AGBL1: variants seen among roughly 807,000 people sequenced by gnomAD.
AGBL1 encodes the protein cytosolic carboxypeptidase 4.
A neutral mutation model predicts 118.9 loss-of-function variants in AGBL1; 130 were observed. The observed-to-expected ratio is 1.09, with a 90% CI of 0.95 to 1.26. The LOEUF is 1.26. Ranked by LOEUF, AGBL1 falls within the 50% of genes most tolerant of loss-of-function variation. The pLI is 0.00. For missense variants in AGBL1, 1,584 were observed against 1,298.1 expected, an observed-to-expected ratio of 1.22 and a Z score of -3.38; for synonymous variants, 555 against 478.9, an observed-to-expected ratio of 1.16 and a Z score of -2.08.
chr15:86,762,622 C>A (rs1478398419), intron 22 of AGBL1, among the ~76,000 whole-genome samples: 1 of 152,022 alleles, frequency 6.6e-6, no homozygotes, highest in East Asian at 1.9e-4. Flanking sequence ...TACAAAGGAG[C>A]CAATCCATGG....
Position 86,748,510 on chromosome 15 carries a change from C to CTTTTTTTTTTTT in AGBL1, c.3158+74099_3158+74110dup. Among the ~76,000 whole-genome samples the CTTTTTTTTTTTT allele has an allele frequency of 3.8e-3, 37 of 9,776 alleles. 13 individuals carry two copies. Among genetic ancestry groups the CTTTTTTTTTTTT allele is most frequent in the Non-Finnish European group, 7.5e-3 (28 of 3,752 alleles). 6.4% of individuals were successfully genotyped at this position (9,776 alleles called of 152,430 possible). On this transcript the variant is annotated intron_variant, in intron 22 of 22. Transcript: ENST00000614907. ...ATTAGATCCCATTTGTCAATTTTGG[C>CTTTTTTTTTTTT]TTTTTTTTTTTTTTTTTTTTTTTTT...
chr15:86,806,324 C>T, intron 22 of AGBL1, among the ~76,000 whole-genome samples: 1 of 152,108 alleles, frequency 6.6e-6, no homozygotes, highest in East Asian at 1.9e-4. Flanking sequence ...GGGTGCAAAA[C>T]TCTGATTAAG....
intron 21 of AGBL1, among the ~76,000 whole-genome samples, chr15:86,639,975 G>C (rs567408109): frequency 3.3e-5 from 5 of 152,174 alleles, no homozygotes; most frequent in African/African-American, 1.2e-4. Context: ...CTGAATGGAT[G>C]GTGTGTGTAC....
chr15:86,775,118 A>T lies in AGBL1; in HGVS notation c.3158+100682A>T, dbSNP rs74575500. On this transcript the variant is annotated intron_variant, in intron 22 of 22. Transcript: ENST00000614907. Reference sequence around the variant, plus strand: ...TGCCCTTGCAGCACTTGTAAGACAGATGTTAAACAAATGATTTGAAGGGTC... The same window carrying T: ...TGCCCTTGCAGCACTTGTAAGACAGTTGTTAAACAAATGATTTGAAGGGTC... Among the ~76,000 whole-genome samples the T allele has an allele frequency of 7.3e-3, 1,113 of 152,280 alleles. 17 individuals are homozygous for T. Among genetic ancestry groups the T allele is most frequent in the African/African-American group, 0.025 (1,034 of 41,586 alleles).
chr15:86,556,292 G>C (rs2083733186), intron 21 of AGBL1: 1 of 1,609,322 alleles, frequency 6.2e-7, no homozygotes, highest in Non-Finnish European at 8.5e-7. Context: ...TCAGGTATTG[G>C]AGCAGCATTT....
chr15:86,721,259 T>C (rs2086715726), intron 22 of AGBL1, among the ~76,000 whole-genome samples: 1 of 152,188 alleles, frequency 6.6e-6, no homozygotes, highest in Non-Finnish European at 1.5e-5. Context: ...AATAAAATAC[T>C]GGCAAACCGA....
At chr15:87,020,508 C>G (rs1289887116) in intron 24 of AGBL1, among the ~76,000 whole-genome samples, 3 of 152,010 alleles carry the variant, frequency 2.0e-5, no homozygotes, top group South Asian at 2.1e-4. Context: ...CCAGGGCAAT[C>G]AGGCAAGAGA....
chr15:86,963,269 G>A (rs753609770), intron 23 of AGBL1, among the ~76,000 whole-genome samples: 11 of 152,084 alleles, frequency 7.2e-5, no homozygotes, highest in Non-Finnish European at 1.3e-4. Context: ...AATGTGCCAC[G>A]GCTACATTGA....
chr15:86,708,354 A>G (rs1423510088), intron 22 of AGBL1, among the ~76,000 whole-genome samples: 1 of 152,126 alleles, frequency 6.6e-6, no homozygotes, highest in Non-Finnish European at 1.5e-5. Context: ...GGTGTACACA[A>G]GGAGAAAGGC....
chr15:86,382,286 G>T (rs943215032), intron 17 of AGBL1, among the ~76,000 whole-genome samples: 1 of 152,200 alleles, frequency 6.6e-6, no homozygotes, highest in Non-Finnish European at 1.5e-5. Flanking sequence ...ACTTTGAAAC[G>T]AAGGGGCCAG....
intron 22 of AGBL1, among the ~76,000 whole-genome samples, chr15:86,782,818 G>T (rs2078353458): frequency 1.3e-5 from 2 of 152,182 alleles, no homozygotes; most frequent in Admixed American, 1.3e-4. Flanking sequence ...CTTTATTCTT[G>T]TGAAGGTCAG....
intron 5 of AGBL1, among the ~76,000 whole-genome samples, chr15:86,173,989 G>A (rs1418702116): frequency 6.6e-6 from 1 of 152,096 alleles, no homozygotes; most frequent in Non-Finnish European, 1.5e-5. Flanking sequence ...GATGTCATTG[G>A]TATTTTGATG....
At chr15:86,287,168 T>A (rs1351036032) in intron 16 of AGBL1, among the ~76,000 whole-genome samples, 2 of 152,228 alleles carry the variant, frequency 1.3e-5, no homozygotes, top group Non-Finnish European at 2.9e-5. Context: ...CAGAAATGCC[T>A]ATTCAGGCCA....
chr15:86,158,782 T>C, intron 4 of AGBL1, 151 bp from the exon 5 acceptor site: 1 of 489,664 alleles, frequency 2.0e-6, no homozygotes, highest in East Asian at 5.1e-5. Flanking sequence ...AGAATGACAT[T>C]ATAGAGGAAT....
Position 86,883,401 on chromosome 15 carries a change from A to G in AGBL1, c.3159-23686A>G, listed in dbSNP as rs574457293. On this transcript the variant is annotated intron_variant, in intron 22 of 22. Transcript: ENST00000614907. ...AACACCAGCATTCGCTGTGCACACT[A>G]TGGTCTCCCATAATGCAGGATTTTG... Among the ~76,000 whole-genome samples, 14 of 152,268 alleles carry G rather than the reference A, an allele frequency of 9.2e-5. No individual in the cohort carries two copies. In the South Asian group the frequency reaches 2.5e-3, roughly 27 times the overall value.
chr15:86,526,544 GTATATATA>G (rs1555422465), intron 19 of AGBL1, among the ~76,000 whole-genome samples: 17 of 119,440 alleles, frequency 1.4e-4, no homozygotes, highest in South Asian at 5.8e-4. Context: ...TTGTGTCTGT[GTATATATA>G]TATATATATA....
chr15:86,152,099 T>C (rs528447499), intron 3 of AGBL1, among the ~76,000 whole-genome samples: 2 of 152,340 alleles, frequency 1.3e-5, no homozygotes, highest in South Asian at 4.1e-4. Context: ...CTGCCCGAAG[T>C]AATTTATAGA....
Position 86,929,521 on chromosome 15 carries a change from G to C in AGBL1, c.3222-58466G>C, listed in dbSNP as rs570976285. On this transcript the variant is annotated intron_variant, in intron 23 of 24. Transcript: ENST00000441037. ...CCTTTGCCTACATGGCCAGGTAGAT[G>C]CATCTTAGGGAATGGCATCCAAGTA... Among the ~76,000 whole-genome samples, 3 of 152,288 alleles carry C rather than the reference G, an allele frequency of 2.0e-5. No homozygotes were observed. The South Asian group carries it at 6.2e-4, about 32-fold the overall frequency.
intron 21 of AGBL1, among the ~76,000 whole-genome samples, chr15:86,605,689 G>C (rs1023727427): frequency 9.9e-5 from 15 of 152,096 alleles, no homozygotes; most frequent in Admixed American, 6.6e-4. Context: ...TTGAAGCCAG[G>C]TTTTGATTTT....
Sources: allele counts gnomAD v4.1 joint callset (sites outside exome capture counted in the v4.1 genomes callset), GRCh38; gene constraint gnomAD v4.1.1; transcripts MANE v1.5; gene names NCBI Gene and HGNC (gene_info 2026-07-23, HGNC 2026-07-21).